Variants in ASH1L observed in about 807,000 individuals in gnomAD.
ASH1L encodes the protein histone-lysine N-methyltransferase ASH1L.
A neutral mutation model predicts 269.0 loss-of-function variants in ASH1L; 23 were observed. The ratio of observed to expected loss-of-function variants is 0.09; its 90% confidence interval spans 0.06 to 0.12. ASH1L has a LOEUF of 0.12. Ranked by LOEUF, ASH1L falls within the 10% of genes least tolerant of loss-of-function variation. ASH1L has a pLI of 1.00. For synonymous variants in ASH1L, 1,187 were observed against 1,253.5 expected (o/e 0.95, Z 1.12); for missense variants, 2,912 against 3,567.8 (o/e 0.82, Z 4.68).
At position 155,479,952 on chromosome 1, in the gene ASH1L, C is replaced by T; in HGVS notation, c.2918G>A (p.Arg973Lys). The T allele has an allele frequency of 1.2e-6, 2 of 1,613,528 alleles. No homozygotes were observed. The highest frequency in any genetic ancestry group is 2.7e-5 in the African/African-American group (2 of 74,962). ...TGTTTTCATTAATTGTCCATTGTTT[C>T]TCTTGGTAATTTTTTTATCTGGTTC... ...EMEPDKKITK[R>K]NNGQLMKTII... is the part of the protein sequence containing the mutation. The change falls in exon 3 of 28, where the codon AGA becomes AAA. Residue 973 changes from arginine (R) to lysine (K), a missense_variant. This residue lies in a region of ASH1L where 715 missense variants were observed against 721.0 expected (regional missense o/e 0.99). Coordinates refer to ENST00000392403, the MANE Select transcript of ASH1L (RefSeq NM_018489.3).
chr1:155,558,551 C>T (rs900039519), intron 1 of ASH1L, among the ~76,000 whole-genome samples: 1 of 152,062 alleles, frequency 6.6e-6, no homozygotes, highest in East Asian at 1.9e-4. Context: ...AATCCTTTTC[C>T]TTTTTTTAAA....
At chr1:155,376,939 C>T (rs1187148076) in intron 10 of ASH1L, among the ~76,000 whole-genome samples, 1 of 151,148 alleles carries the variant, frequency 6.6e-6, no homozygotes, top group East Asian at 2.0e-4. Context: ...TGGAGTTTCC[C>T]TCTTGTTGCC....
In ASH1L at chr1:155,338,161, G is replaced by T. The variant is rs1198400434; in HGVS notation, c.8731C>A (p.Arg2911=). The change falls in exon 27 of 28, where the codon CGA becomes AGA. Residue 2911 remains arginine (R), a synonymous_variant. Transcript: ENST00000392403. ...EPQSTCTPEE[R]RHNQRERLNQ... ...AGTCGTTCCCGTTGGTTATGCCGTC[G>T]TTCCTCAGGGGTACAGGTTGACTGG... 1 of 1,613,946 alleles carries T rather than the reference G, an allele frequency of 6.2e-7. No homozygotes were observed.
In ASH1L at chr1:155,480,006, C is replaced by A. The variant is rs764064359; in HGVS notation, c.2864G>T (p.Ser955Ile). 6.2e-7 allele frequency: 1 copy of A among 1,614,018 alleles called. No individual in the cohort carries two copies. Among genetic ancestry groups the A allele is most frequent in the Non-Finnish European group, 8.5e-7 (1 of 1,179,986 alleles). Residue 955 changes from serine to isoleucine, a missense_variant, in exon 3 of 28, where the codon AGT (serine) becomes ATT (isoleucine). Physicochemically the swap from Ser to Ile is moderately radical, Grantham distance 142. Around this residue, in one of 13 missense-constraint regions of ASH1L, gnomAD observed 715 missense variants for 721.0 expected, o/e 0.99. Coordinates refer to ENST00000392403, the MANE Select transcript of ASH1L (RefSeq NM_018489.3). The stretch of plus-strand genomic sequence containing the variant: ...CTCAAGGTCACTCATACTACAGACA[C>A]TTGGCCTATGACTGTCATCTAGGTC... ...PDDLDDSHRP[S>I]VCSMSDLEME... is the part of the protein sequence containing the mutation.
At chr1:155,390,399 C>T (rs1657814276) in intron 7 of ASH1L, among the ~76,000 whole-genome samples, 1 of 152,120 alleles carries the variant, frequency 6.6e-6, no homozygotes, top group South Asian at 2.1e-4. Flanking sequence ...CTAGTGAAGT[C>T]TGGTATATGT....
At chr1:155,549,139 T>C (rs929812633) in intron 1 of ASH1L, among the ~76,000 whole-genome samples, 1 of 151,696 alleles carries the variant, frequency 6.6e-6, no homozygotes, top group Non-Finnish European at 1.5e-5. Context: ...AACAGGGAGG[T>C]CGAGACGAAC....
intron 4 of ASH1L, among the ~76,000 whole-genome samples, chr1:155,455,066 A>G (rs994455291): frequency 9.2e-5 from 14 of 152,182 alleles, no homozygotes; most frequent in African/African-American, 3.1e-4. Context: ...GAATGTGAAA[A>G]TTACCATGGA....
chr1:155,354,112 G>A (rs372473700), intron 16 of ASH1L, among the ~76,000 whole-genome samples: 2 of 152,218 alleles, frequency 1.3e-5, no homozygotes, highest in African/African-American at 4.8e-5. Flanking sequence ...TAGATTATCT[G>A]CTGGAAAGCA....
chr1:155,394,299 G>A (rs1365282689), intron 7 of ASH1L, among the ~76,000 whole-genome samples: 1 of 152,166 alleles, frequency 6.6e-6, no homozygotes, highest in Non-Finnish European at 1.5e-5. Flanking sequence ...ATGAATAAAA[G>A]GAGAGAGATG....
intron 2 of ASH1L, among the ~76,000 whole-genome samples, chr1:155,498,936 C>G (rs1312207268): frequency 4.2e-5 from 6 of 144,276 alleles, no homozygotes; most frequent in Non-Finnish European, 7.5e-5. Flanking sequence ...AAAAAAAAAG[C>G]CAAAAAGAAA....
Position 155,521,209 on chromosome 1 carries a change from T to C in ASH1L, c.311A>G (p.Glu104Gly). ...KRTKKPPKNLENYVCRPAIKT... is the reference protein window; with the variant it reads ...KRTKKPPKNLGNYVCRPAIKT... ...TATGGCAGGTCGACATACATAGTTC[T>C]CCAAGTTCTTTGGAGGTTTTTTAGT... The change falls in exon 2 of 28, where the codon GAG becomes GGG. Residue 104 changes from glutamate to glycine, a missense_variant. By Grantham distance (98) the Glu-to-Gly change is moderately conservative. Transcript: ENST00000392403. 6.2e-7 allele frequency: 1 copy of C among 1,614,190 alleles called. No individual in the cohort carries two copies. Among genetic ancestry groups the C allele is most frequent in the Non-Finnish European group, 8.5e-7 (1 of 1,180,032 alleles).
rs183824425 is a variant in ASH1L at position 155,463,464 on chromosome 1, T to C, written c.4985-3566A>G. Among the ~76,000 whole-genome samples the C allele has an allele frequency of 4.6e-5, 7 of 152,294 alleles. No homozygotes were observed. In the East Asian group the frequency reaches 1.3e-3, roughly 29 times the overall value. On this transcript the variant is annotated intron_variant, in intron 3 of 27. Coordinates refer to ENST00000392403, the MANE Select transcript of ASH1L (RefSeq NM_018489.3). ...AAAATGTTTTATAAATATTAGTGAC[T>C]ACTATATATTAATTGAGTCCTTAGG...
chr1:155,339,399 A>G (rs775926452), intron 25 of ASH1L, 31 bp from the exon 26 acceptor site: 3 of 1,610,318 alleles, frequency 1.9e-6, no homozygotes, highest in Non-Finnish European at 2.5e-6. Flanking sequence ...AGGTAAGCAT[A>G]TTGTAGAAGC....
chr1:155,461,230 G>C (rs1471126733), intron 3 of ASH1L, among the ~76,000 whole-genome samples: 1 of 152,162 alleles, frequency 6.6e-6, no homozygotes, highest in Non-Finnish European at 1.5e-5. Context: ...CTAAGTTGCT[G>C]TTTCCTTTTC....
intron 2 of ASH1L, among the ~76,000 whole-genome samples, chr1:155,499,127 TAGGATCA>T (rs1305904109): frequency 6.6e-6 from 1 of 152,082 alleles, no homozygotes; most frequent in East Asian, 1.9e-4. Context: ...ATGGCCCTCA[TAGGATCA>T]AGAGTAAGCC....
chr1:155,471,881 A>G (rs1026611080), intron 3 of ASH1L, among the ~76,000 whole-genome samples: 12 of 152,234 alleles, frequency 7.9e-5, no homozygotes, highest in Non-Finnish European at 1.5e-4. Flanking sequence ...CACTAGCTTC[A>G]GGTAATTTGT....
intron 2 of ASH1L, among the ~76,000 whole-genome samples, chr1:155,498,834 G>A (rs1230394306): frequency 6.6e-6 from 1 of 151,350 alleles, no homozygotes; most frequent in Non-Finnish European, 1.5e-5. Flanking sequence ...CACTGCGCCT[G>A]GCCCAGAAAA....
At chr1:155,547,638 G>A (rs1244165155) in intron 1 of ASH1L, among the ~76,000 whole-genome samples, 4 of 151,798 alleles carry the variant, frequency 2.6e-5, no homozygotes, top group Middle Eastern at 3.2e-3. Flanking sequence ...CAGGAGAATC[G>A]CTTGAACCCG....
intron 1 of ASH1L, among the ~76,000 whole-genome samples, chr1:155,554,913 G>A (rs747348423): frequency 2.0e-5 from 3 of 151,910 alleles, no homozygotes; most frequent in Non-Finnish European, 2.9e-5. Flanking sequence ...AGGCTGAAGC[G>A]GGCAGATCAC....
Sources: allele counts gnomAD v4.1 joint callset (sites outside exome capture counted in the v4.1 genomes callset), GRCh38; gene constraint gnomAD v4.1.1; regional missense constraint gnomAD v4.1.1; transcripts MANE v1.5; gene names NCBI Gene and HGNC (gene_info 2026-07-23, HGNC 2026-07-21).